The following CHRM3 variants were observed in gnomAD, a reference collection of about 807,000 sequenced individuals.
The protein encoded by CHRM3 is muscarinic acetylcholine receptor M3.
CHRM3 carries 11 observed loss-of-function variants against 41.8 expected under a neutral mutation model. The ratio of observed to expected loss-of-function variants is 0.26; its 90% CI spans 0.17 to 0.44. The LOEUF (loss-of-function observed/expected upper bound fraction) is 0.44, where lower values mean the gene tolerates loss of function less well. CHRM3 is among the 20% of genes least tolerant of loss of function. The probability of loss-of-function intolerance (pLI) is 1.00; values close to 1 mark genes in which losing one functional copy is unlikely to be tolerated. For synonymous variants in CHRM3, 297 were observed against 301.4 expected (o/e 0.99, Z 0.15); for missense variants, 571 against 745.4 (o/e 0.77, Z 2.72).
At chr1:239,571,098 A>G (rs969253786) in intron 3 of CHRM3, among the ~76,000 whole-genome samples, 1 of 152,222 alleles carries the variant, frequency 6.6e-6, no homozygotes, top group African/African-American at 2.4e-5. Flanking sequence ...GGCTGGGGGA[A>G]CTTTATCTGG....
intron 6 of CHRM3, among the ~76,000 whole-genome samples, chr1:239,900,918 C>A (rs768085810): frequency 1.1e-4 from 17 of 152,158 alleles, no homozygotes; most frequent in Non-Finnish European, 2.2e-4. Flanking sequence ...CCTGTTGTGG[C>A]CCCATTCTGC....
intron 4 of CHRM3, among the ~76,000 whole-genome samples, chr1:239,663,573 AT>A (rs1424824367): frequency 6.6e-6 from 1 of 152,200 alleles, no homozygotes; most frequent in East Asian, 1.9e-4. Context: ...GCCTGTTTGT[AT>A]TTTTAAAGCA....
At chr1:239,804,572 G>C (rs185739245) in intron 5 of CHRM3, among the ~76,000 whole-genome samples, 1 of 152,124 alleles carries the variant, frequency 6.6e-6, no homozygotes, top group African/African-American at 2.4e-5. Flanking sequence ...TTTTAAGAGA[G>C]TTTGTTTTTG....
chr1:239,846,410 G>T (rs79441711), intron 6 of CHRM3, among the ~76,000 whole-genome samples: 1,839 of 152,148 alleles, frequency 0.012, 35 homozygotes, highest in African/African-American at 0.042. Context: ...AGACTTTATC[G>T]AAATTCAATC....
chr1:239,455,871 A>G (rs1664893939), intron 1 of CHRM3, among the ~76,000 whole-genome samples: 1 of 152,238 alleles, frequency 6.6e-6, no homozygotes, highest in African/African-American at 2.4e-5. Context: ...AGGCCTTCAC[A>G]TCCACTCACC....
chr1:239,816,043 A>G (rs967721068), intron 5 of CHRM3, among the ~76,000 whole-genome samples: 15 of 149,600 alleles, frequency 1.0e-4, no homozygotes, highest in Admixed American at 3.3e-4. Flanking sequence ...TCTGGGGGGG[A>G]AAAAAGAACA....
rs137899182 is a variant in CHRM3 at position 239,400,946 on chromosome 1, G to A, written c.-521+13719G>A. Among the ~76,000 whole-genome samples the A allele has an allele frequency of 2.9e-3, 446 of 152,240 alleles. 1 individual carries two copies. Among genetic ancestry groups the A allele is most frequent in the African/African-American group, 0.01 (429 of 41,536 alleles). On this transcript the variant is annotated intron_variant, in intron 1 of 6. Coordinates refer to ENST00000676153, the MANE Select transcript of CHRM3 (RefSeq NM_001375978.1). ...CTCAGCTTAAACAGCTGATGATGTC[G>A]CAGAAGCTCAGTGAATCCAGGTTGT...
chr1:239,819,827 A>C (rs1671889994), intron 5 of CHRM3, among the ~76,000 whole-genome samples: 1 of 152,168 alleles, frequency 6.6e-6, no homozygotes, highest in Admixed American at 6.5e-5. Context: ...CCTGCCAGTC[A>C]TCTTCTGGTT....
intron 5 of CHRM3, among the ~76,000 whole-genome samples, chr1:239,823,064 A>G (rs1306197015): frequency 5.9e-5 from 9 of 152,194 alleles, no homozygotes; most frequent in South Asian, 2.1e-4. Flanking sequence ...TTACAAACCA[A>G]TGGTAGACAG....
chr1:239,690,875 T>C (rs796805475), intron 5 of CHRM3, among the ~76,000 whole-genome samples: 15 of 152,100 alleles, frequency 9.9e-5, no homozygotes, highest in African/African-American at 3.4e-4. Context: ...AATGTATATA[T>C]AGTGATCTGA....
intron 5 of CHRM3, among the ~76,000 whole-genome samples, chr1:239,780,845 A>C (rs1668461466): frequency 6.6e-6 from 1 of 151,700 alleles, no homozygotes; most frequent in Admixed American, 6.6e-5. Context: ...GTGTGTATAG[A>C]TGTCGAGTCG....
intron 5 of CHRM3, among the ~76,000 whole-genome samples, chr1:239,760,696 T>C (rs1666687524): frequency 6.6e-6 from 1 of 152,196 alleles, no homozygotes; most frequent in African/African-American, 2.4e-5. Flanking sequence ...GCTCTGCTCA[T>C]GTGTGGTTTG....
chr1:239,869,869 G>A (rs1676430216), intron 6 of CHRM3, among the ~76,000 whole-genome samples: 1 of 152,194 alleles, frequency 6.6e-6, no homozygotes. Context: ...GTGGCATAGA[G>A]TGGCAGGGGT....
chr1:239,469,230 C>T (rs1193412890), intron 1 of CHRM3, among the ~76,000 whole-genome samples: 3 of 152,182 alleles, frequency 2.0e-5, no homozygotes, highest in Admixed American at 6.5e-5. Context: ...TACAGTGCTT[C>T]GCACTTTCCT....
intron 2 of CHRM3, among the ~76,000 whole-genome samples, chr1:239,502,249 A>C (rs1393383641): frequency 6.6e-6 from 1 of 152,186 alleles, no homozygotes; most frequent in Non-Finnish European, 1.5e-5. Flanking sequence ...GAAACAGGAA[A>C]TATTACAACC....
intron 4 of CHRM3, among the ~76,000 whole-genome samples, chr1:239,655,350 A>T (rs1314336122): frequency 6.6e-6 from 1 of 152,230 alleles, no homozygotes; most frequent in Non-Finnish European, 1.5e-5. Flanking sequence ...TTCTTACAGA[A>T]ATTTGCAAGA....
At chr1:239,870,341 C>T (rs1676467314) in intron 6 of CHRM3, among the ~76,000 whole-genome samples, 1 of 152,184 alleles carries the variant, frequency 6.6e-6, no homozygotes, top group African/African-American at 2.4e-5. Context: ...ATAACCCTTC[C>T]AGGCAGCGAG....
At chr1:239,879,223 T>C (rs1050154595) in intron 6 of CHRM3, among the ~76,000 whole-genome samples, 4 of 152,164 alleles carry the variant, frequency 2.6e-5, no homozygotes, top group Non-Finnish European at 4.4e-5. Context: ...CTCAAACTCC[T>C]GGGCTCAAAC....
chr1:239,639,886 T>A (rs1670911845), intron 4 of CHRM3, among the ~76,000 whole-genome samples: 1 of 147,002 alleles, frequency 6.8e-6, no homozygotes, highest in Non-Finnish European at 1.5e-5. Context: ...TTCAGTATGA[T>A]ATTGGCTGTG....
Sources: gnomAD v4.1 joint callset for allele counts (sites outside exome capture counted in the v4.1 genomes callset) on GRCh38, gnomAD v4.1.1 for gene constraint, MANE v1.5 for transcripts, NCBI Gene and HGNC (gene_info 2026-07-23, HGNC 2026-07-21) for gene names.